Variants in CNTN4 observed in about 807,000 individuals in gnomAD.
CNTN4 encodes the protein contactin-4.
In CNTN4, 77 loss-of-function variants were observed where a neutral mutation model predicts 122.5. The observed-to-expected ratio is 0.63, with a 90% CI of 0.52 to 0.76. CNTN4 has a LOEUF of 0.76. Among genes scored for constraint, CNTN4 ranks in the 30% least tolerant of loss-of-function variants. CNTN4 has a pLI of 0.00. For synonymous variants in CNTN4, 512 were observed against 447.0 expected (o/e 1.15, Z -1.83); for missense variants, 1,256 against 1,259.1 (o/e 1.00, Z 0.04).
chr3:2,128,696 A>C (rs2034301609), intron 2 of CNTN4, among the ~76,000 whole-genome samples: 1 of 152,218 alleles, frequency 6.6e-6, no homozygotes, highest in Non-Finnish European at 1.5e-5. Flanking sequence ...AATTCAGTGC[A>C]AGGGGATGTA....
intron 3 of CNTN4, among the ~76,000 whole-genome samples, chr3:2,419,204 G>C (rs1444258250): frequency 6.6e-6 from 1 of 152,112 alleles, no homozygotes; most frequent in Non-Finnish European, 1.5e-5. Context: ...GTAATTTCCT[G>C]ACATGAGTTA....
chr3:2,691,279 T>C (rs1016634233), intron 4 of CNTN4, among the ~76,000 whole-genome samples: 4 of 152,200 alleles, frequency 2.6e-5, no homozygotes, highest in East Asian at 1.9e-4. Context: ...ACCTATAATA[T>C]GCCCTCATCG....
At chr3:2,206,704 T>C (rs1369787867) in intron 2 of CNTN4, among the ~76,000 whole-genome samples, 1 of 151,950 alleles carries the variant, frequency 6.6e-6, no homozygotes, top group East Asian at 1.9e-4. Flanking sequence ...AATATTAGAA[T>C]AGTGATAATA....
intron 3 of CNTN4, among the ~76,000 whole-genome samples, chr3:2,464,249 C>T (rs9853721): frequency 2.6e-4 from 39 of 152,264 alleles, no homozygotes; most frequent in African/African-American, 7.9e-4. Flanking sequence ...ATTTGATGAA[C>T]ATTCCGTATT....
intron 3 of CNTN4, among the ~76,000 whole-genome samples, chr3:2,463,307 T>C (rs551258771): frequency 6.6e-5 from 10 of 152,186 alleles, no homozygotes; most frequent in Non-Finnish European, 1.2e-4. Flanking sequence ...AACTAAAGTT[T>C]AGCTCCTTTG....
chr3:2,175,138 A>G (rs1413189508), intron 2 of CNTN4, among the ~76,000 whole-genome samples: 3 of 152,248 alleles, frequency 2.0e-5, no homozygotes, highest in East Asian at 1.9e-4. Context: ...TATTTAATCT[A>G]TAAAATAAGA....
intron 12 of CNTN4, among the ~76,000 whole-genome samples, chr3:2,916,834 G>A (rs927503381): frequency 6.6e-6 from 1 of 150,932 alleles, no homozygotes; most frequent in Non-Finnish European, 1.5e-5. Flanking sequence ...ACGCTCCTCA[G>A]TTCCCAGACG....
chr3:2,422,823 T>C (rs1268775660), intron 3 of CNTN4, among the ~76,000 whole-genome samples: 4 of 152,204 alleles, frequency 2.6e-5, no homozygotes. Context: ...TTATCACATG[T>C]AGACATGGAG....
rs149044650 is a variant in CNTN4, at chr3:2,940,672, A to G, written c.1358+14893A>G. ...TAGAAATCAATTATTGTGGGAAATG[A>G]TGAGGAACCTCTGTTCTCTGTGGGT... On this transcript the variant is annotated intron_variant, in intron 13 of 24. Coordinates refer to ENST00000418658, the MANE Select transcript of CNTN4 (RefSeq NM_175607.3). Among the ~76,000 whole-genome samples, 28 of 152,292 alleles carry G rather than the reference A, an allele frequency of 1.8e-4. 2 individuals are homozygous for G. The South Asian group carries it at 5.6e-3, about 31-fold the overall frequency.
chr3:2,418,333 CAG>C (rs71058617), intron 3 of CNTN4, among the ~76,000 whole-genome samples: 28,111 of 152,094 alleles, frequency 0.18, 3,234 homozygotes, highest in Middle Eastern at 0.27. Flanking sequence ...AAAATCACCA[CAG>C]AGGCAAAATG....
chr3:2,854,997 T>G (rs1243264527), intron 7 of CNTN4, among the ~76,000 whole-genome samples: 1 of 152,224 alleles, frequency 6.6e-6, no homozygotes, highest in Non-Finnish European at 1.5e-5. Flanking sequence ...AGTCAAAATT[T>G]TCCTACGAAA....
chr3:2,487,325 G>A (rs749123065), intron 3 of CNTN4, among the ~76,000 whole-genome samples: 5 of 152,106 alleles, frequency 3.3e-5, no homozygotes, highest in African/African-American at 1.2e-4. Context: ...TCGTAGTATG[G>A]AGGGTTATTG....
intron 2 of CNTN4, among the ~76,000 whole-genome samples, chr3:2,249,910 G>T (rs1398085199): frequency 1.3e-5 from 2 of 151,850 alleles, no homozygotes; most frequent in Non-Finnish European, 3.0e-5. Context: ...CCTATAGAGG[G>T]ATTTTGAATA....
chr3:2,945,510 CT>C (rs1213458953), intron 13 of CNTN4, among the ~76,000 whole-genome samples: 1 of 152,160 alleles, frequency 6.6e-6, no homozygotes, highest in Non-Finnish European at 1.5e-5. Context: ...CAGACACTCT[CT>C]CTTAAAATGT....
In CNTN4 at chr3:2,676,370, C is replaced by T. The variant is rs150837347; in HGVS notation, c.56-59845C>T. On this transcript the variant is annotated intron_variant, in intron 4 of 24. Coordinates refer to ENST00000418658, the MANE Select transcript of CNTN4 (RefSeq NM_175607.3). ...CCGAGTAGCTGGAATTACAGGTGTG[C>T]ACCACCAGGCCTGACTAATTTTTGT... Among the ~76,000 whole-genome samples the T allele has an allele frequency of 2.2e-3, 329 of 152,220 alleles. 3 individuals are homozygous for T. Among genetic ancestry groups the T allele is most frequent in the African/African-American group, 7.4e-3 (307 of 41,530 alleles).
At chr3:2,722,295 C>A (rs917965245) in intron 4 of CNTN4, among the ~76,000 whole-genome samples, 1 of 152,200 alleles carries the variant, frequency 6.6e-6, no homozygotes, top group Non-Finnish European at 1.5e-5. Flanking sequence ...TTACTTCTCT[C>A]TGTCTATCCT....
intron 23 of CNTN4, among the ~76,000 whole-genome samples, chr3:3,044,176 T>A (rs1248099445): frequency 6.6e-6 from 1 of 152,220 alleles, no homozygotes; most frequent in Non-Finnish European, 1.5e-5. Context: ...AATGTTTGCC[T>A]GACCCCATAA....
chr3:2,923,317 CT>C (rs58075798), intron 12 of CNTN4, among the ~76,000 whole-genome samples: 51 of 147,890 alleles, frequency 3.4e-4, no homozygotes, highest in African/African-American at 7.7e-4. Flanking sequence ...GAATACCTGA[CT>C]TTTTTTTTTT....
intron 3 of CNTN4, among the ~76,000 whole-genome samples, chr3:2,378,284 G>A (rs1393486): frequency 0.6 from 91,091 of 152,024 alleles, 27,622 homozygotes; most frequent in East Asian, 0.86. Flanking sequence ...TGCTGTTTCA[G>A]TATGGGCCTT....
Sources: gnomAD v4.1 joint callset for allele counts (sites outside exome capture counted in the v4.1 genomes callset) on GRCh38, gnomAD v4.1.1 for gene constraint, MANE v1.5 for transcripts, NCBI Gene and HGNC (gene_info 2026-07-23, HGNC 2026-07-21) for gene names.